The following ASAP3 variants were observed in gnomAD, a reference collection of about 807,000 sequenced individuals.
The protein encoded by ASAP3 is ArfGAP with SH3 domain, ankyrin repeat and PH domain 3.
Under a neutral mutation model 118.2 loss-of-function variants are expected in ASAP3, and 85 were observed. The observed-to-expected ratio is 0.72, with a 90% confidence interval of 0.60 to 0.86. The LOEUF (loss-of-function observed/expected upper bound fraction) is 0.86, where lower values mean the gene tolerates loss of function less well. Among genes scored for constraint, ASAP3 ranks in the 40% least tolerant of loss-of-function variants. ASAP3 has a pLI of 0.00. For synonymous variants in ASAP3, 432 were observed against 477.4 expected, an observed-to-expected ratio of 0.90 and a Z score of 1.24; for missense variants, 1,026 against 1,175.0, an observed-to-expected ratio of 0.87 and a Z score of 1.85.
intron 1 of ASAP3, among the ~76,000 whole-genome samples, chr1:23,478,458 T>G (rs1177578737): frequency 6.9e-6 from 1 of 144,714 alleles, no homozygotes; most frequent in Non-Finnish European, 1.5e-5. Context: ...AGAGTGAAAC[T>G]CTATCTTAAA....
chr1:23,437,912 CTGCTCT>C lies in ASAP3; in HGVS notation c.1103-446_1103-441del, dbSNP rs1558120372. On this transcript the variant is annotated intron_variant, in intron 12 of 24. Transcript: ENST00000336689. This position sits in a 1 kb window ranked among gnomAD's most constrained non-coding sequence, Gnocchi z 6.1. ...GCTCCCAACTGTTGTGCCCAAGGCTCTGCTCTAATTACACCACTGCCCTGCCCCAAG... is the reference window on the plus strand; with the variant it reads ...GCTCCCAACTGTTGTGCCCAAGGCTCAATTACACCACTGCCCTGCCCCAAG... Among the ~76,000 whole-genome samples the C allele has an allele frequency of 6.6e-6, 1 of 152,166 alleles. No homozygotes were observed. The highest frequency in any genetic ancestry group is 1.5e-5 in the Non-Finnish European group (1 of 68,034).
At chr1:23,460,506 C>CAAAAAAAAAAAAAA (rs71023213) in intron 1 of ASAP3, among the ~76,000 whole-genome samples, 6 of 84,780 alleles carry the variant, frequency 7.1e-5, no homozygotes, top group Admixed American at 1.4e-4. Context: ...GACTCCATCT[C>CAAAAAAAAAAAAAA]AAAAAAAAAA....
chr1:23,453,133 C>T (rs1201472424), intron 3 of ASAP3, among the ~76,000 whole-genome samples: 1 of 152,196 alleles, frequency 6.6e-6, no homozygotes, highest in African/African-American at 2.4e-5. Flanking sequence ...ATCCCACAGT[C>T]AATCTCTCCC....
Position 23,484,047 on chromosome 1 carries a change from G to A in ASAP3, c.87C>T (p.Ala29=), listed in dbSNP as rs1033748087. The A allele has an allele frequency of 8.3e-5, 111 of 1,343,976 alleles. No homozygotes were observed. Among genetic ancestry groups the A allele is most frequent in the Admixed American group, 6.9e-5 (2 of 28,932 alleles). 83.3% of individuals were successfully genotyped at this position (1,343,976 alleles called of 1,614,324 possible). The change falls in exon 1 of 25, where the codon GCC becomes GCT. Residue 29 remains alanine (A), a synonymous_variant. Transcript: ENST00000336689. ...SSPAGAAAFA[A]KMPRYRGAAL... is the part of the protein sequence containing the mutation. ...CCGCCCCTCGGTACCGGGGCATCTT[G>A]GCGGCGAAGGCGGCGGCCCCAGCCG...
intron 1 of ASAP3, among the ~76,000 whole-genome samples, chr1:23,464,347 C>A (rs550503878): frequency 4.0e-5 from 6 of 151,656 alleles, no homozygotes; most frequent in African/African-American, 1.5e-4. Flanking sequence ...CCACCATGCC[C>A]GGCTAATTTT....
chr1:23,470,221 C>A (rs546913958), intron 1 of ASAP3, among the ~76,000 whole-genome samples: 1 of 152,178 alleles, frequency 6.6e-6, no homozygotes, highest in Non-Finnish European at 1.5e-5. Context: ...CAGGCCAAAG[C>A]GCTAGGACAC....
In ASAP3 at chr1:23,464,659, T is replaced by TAAAAAAAAAA. The variant is rs57655847; in HGVS notation, c.130-8475_130-8466dup. Among the ~76,000 whole-genome samples, 7 of 47,096 alleles carry TAAAAAAAAAA rather than the reference T, an allele frequency of 1.5e-4. 1 individual carries two copies. Among genetic ancestry groups the TAAAAAAAAAA allele is most frequent in the African/African-American group, 7.2e-4 (7 of 9,786 alleles). The allele number at this position is 47,096 out of a possible 152,430, so 30.9% of individuals were successfully genotyped here. A position where few individuals can be genotyped will look rare whatever the true frequency, so the allele number is the denominator to read the frequency against. On this transcript the variant is annotated intron_variant, in intron 1 of 24. Coordinates refer to ENST00000336689, the MANE Select transcript of ASAP3 (RefSeq NM_017707.4). ...TGAGTGACAGAATGAGACACTGTCT[T>TAAAAAAAAAA]AAAAAAAAAAAAAAAAAAAAAAAAA...
intron 1 of ASAP3, among the ~76,000 whole-genome samples, chr1:23,482,415 G>T (rs561581762): frequency 3.0e-4 from 45 of 152,210 alleles, no homozygotes; most frequent in South Asian, 2.1e-3. Context: ...CCAGCTGCTT[G>T]GGAGGCTGAG....
Position 23,436,805 on chromosome 1 carries a change from G to GCCCACCTCGGCCAGGTCCCAC in ASAP3, c.1476+85_1476+105dup, listed in dbSNP as rs1430796703. ...ACCACCCGCTACCTGGCTTGTCCCAGCCCACCTCGGCCAGGTCCCACCCAC... is the reference window on the plus strand; with the variant it reads ...ACCACCCGCTACCTGGCTTGTCCCAGCCCACCTCGGCCAGGTCCCACCCCACCTCGGCCAGGTCCCACCCAC... On this transcript the variant is annotated intron_variant, in intron 15 of 24. Transcript: ENST00000336689. This position sits in a 1 kb window ranked among gnomAD's most constrained non-coding sequence, Gnocchi z 4.2. 11 of 1,520,922 alleles carry GCCCACCTCGGCCAGGTCCCAC rather than the reference G, an allele frequency of 7.2e-6. No individual in the cohort carries two copies. Among genetic ancestry groups the GCCCACCTCGGCCAGGTCCCAC allele is most frequent in the African/African-American group, 1.4e-5 (1 of 70,416 alleles). 94.2% of individuals were successfully genotyped at this position (1,520,922 alleles called of 1,614,324 possible).
Position 23,436,972 on chromosome 1 carries a change from C to T in ASAP3, c.1415G>A (p.Gly472Asp). ...IQCSGVHRELGVRFSRMQSLT... is the reference protein window; with the variant it reads ...IQCSGVHRELDVRFSRMQSLT... ...TGACTGCATGCGCGAAAAGCGCACGCCCAGTTCGCGGTGGACGCCCGAGCA... is the reference window on the plus strand; with the variant it reads ...TGACTGCATGCGCGAAAAGCGCACGTCCAGTTCGCGGTGGACGCCCGAGCA... The change falls in exon 15 of 25, where the codon GGC (glycine) becomes GAC (aspartate). Residue 472 changes from glycine to aspartate, a missense_variant. Coordinates refer to ENST00000336689, the MANE Select transcript of ASAP3 (RefSeq NM_017707.4). This position sits in a 1 kb window ranked among gnomAD's most constrained non-coding sequence, Gnocchi z 4.2. 2 of 1,612,564 alleles carry T rather than the reference C, an allele frequency of 1.2e-6. No homozygotes were observed. The highest frequency in any genetic ancestry group is 1.1e-5 in the South Asian group (1 of 90,998).
intron 1 of ASAP3, among the ~76,000 whole-genome samples, chr1:23,464,602 G>A (rs574063158): frequency 3.6e-5 from 5 of 139,320 alleles, no homozygotes; most frequent in African/African-American, 1.4e-4. Context: ...CGAGGTTGCA[G>A]TAAGCTATAA....
rs919291523 is a variant in ASAP3, at chr1:23,452,592, C to T, written c.423+105G>A. The T allele has an allele frequency of 9.5e-6, 12 of 1,256,730 alleles. No individual in the cohort carries two copies. In the East Asian group the frequency reaches 2.8e-4, roughly 29 times the overall value. 77.8% of individuals were successfully genotyped at this position (1,256,730 alleles called of 1,614,324 possible). ...AGGCTCATCACTCCCGCTAAGACAGCCCCTTCACCTGGCCTCCACCCTCAG... is the reference window on the plus strand; with the variant it reads ...AGGCTCATCACTCCCGCTAAGACAGTCCCTTCACCTGGCCTCCACCCTCAG... On this transcript the variant is annotated intron_variant, in intron 4 of 24. Transcript: ENST00000336689.
At chr1:23,465,517 G>C (rs977672908) in intron 1 of ASAP3, among the ~76,000 whole-genome samples, 1 of 147,564 alleles carries the variant, frequency 6.8e-6, no homozygotes, top group African/African-American at 2.5e-5. Flanking sequence ...TTTTTTTTTG[G>C]GGGGGGGATA....
At chr1:23,441,551 C>A (rs1268540162) in intron 8 of ASAP3, 78 bp from the exon 9 acceptor site, 3 of 1,598,328 alleles carry the variant, frequency 1.9e-6, no homozygotes, top group Non-Finnish European at 2.6e-6. Flanking sequence ...AAGAGCAGAG[C>A]AGTAGCCTCA....
At chr1:23,482,420 G>A (rs1363668267) in intron 1 of ASAP3, among the ~76,000 whole-genome samples, 1 of 152,158 alleles carries the variant, frequency 6.6e-6, no homozygotes, top group African/African-American at 2.4e-5. Context: ...TGCTTGGGAG[G>A]CTGAGGAATG....
Position 23,436,135 on chromosome 1 carries a change from C to T in ASAP3, c.1572-107G>A. On this transcript the variant is annotated intron_variant, in intron 16 of 24. Transcript: ENST00000336689. The surrounding 1 kb of genome is among the most constrained non-coding windows in gnomAD (Gnocchi z 4.2). ...GCTCTCTTTTTCTCCAGAACCATGT[C>T]CTGAAGACGTCTAGATCTGAGGCTC... The T allele has an allele frequency of 7.8e-7, 1 of 1,277,634 alleles. No individual in the cohort carries two copies. The highest frequency in any genetic ancestry group is 1.5e-5 in the African/African-American group (1 of 67,710). 79.1% of individuals were successfully genotyped at this position (1,277,634 alleles called of 1,614,324 possible).
chr1:23,481,314 AGACTT>A (rs1053174778), intron 1 of ASAP3, among the ~76,000 whole-genome samples: 3 of 152,248 alleles, frequency 2.0e-5, no homozygotes, highest in East Asian at 1.9e-4. Context: ...CAGAACTGGA[AGACTT>A]GACTTAAGAA....
intron 5 of ASAP3, among the ~76,000 whole-genome samples, chr1:23,451,083 C>T (rs952730913): frequency 8.5e-5 from 13 of 152,196 alleles, no homozygotes; most frequent in African/African-American, 2.7e-4. Flanking sequence ...GGGCCTTGGG[C>T]AAGTGACTTA....
chr1:23,483,662 C>A (rs1642384778), intron 1 of ASAP3, among the ~76,000 whole-genome samples: 1 of 152,146 alleles, frequency 6.6e-6, no homozygotes, highest in Non-Finnish European at 1.5e-5. Context: ...GGGGGGCACA[C>A]TTGTGGGGCT....
Sources: gnomAD v4.1 joint callset for allele counts (sites outside exome capture counted in the v4.1 genomes callset) on GRCh38, gnomAD v4.1.1 for gene constraint, Gnocchi (gnomAD v3.1) non-coding constraint, MANE v1.5 for transcripts, NCBI Gene and HGNC (gene_info 2026-07-23, HGNC 2026-07-21) for gene names.